The following IQSEC2 variants were observed in gnomAD, a reference collection of about 807,000 sequenced individuals.
The protein encoded by IQSEC2 is IQ motif and SEC7 domain-containing protein 2.
In IQSEC2, 6 loss-of-function variants were observed where a neutral mutation model predicts 74.6. The observed-to-expected ratio is 0.08, with a 90% CI of 0.04 to 0.16. IQSEC2 has a LOEUF of 0.16. Ranked by LOEUF, IQSEC2 falls within the 10% of genes least tolerant of loss-of-function variation. The probability of loss-of-function intolerance (pLI) is 1.00; values close to 1 mark genes in which losing one functional copy is unlikely to be tolerated. For missense variants in IQSEC2, 734 were observed against 1,306.2 expected (o/e 0.56, Z 6.75); for synonymous variants, 494 against 544.5 (o/e 0.91, Z 1.29).
At chrX:53,271,331 C>T (rs1313166692) in intron 2 of IQSEC2, among the ~76,000 whole-genome samples, 4 of 112,176 alleles carry the variant, frequency 3.6e-5, no homozygotes, top group African/African-American at 6.5e-5. Flanking sequence ...CTTGGGATCT[C>T]TGAGAACCAG....
In IQSEC2 at chrX:53,316,165, C is replaced by T. The variant is rs146756163; in HGVS notation, c.707+4252G>A. Among the ~76,000 whole-genome samples the T allele has an allele frequency of 2.2e-3, 243 of 112,080 alleles. 1 individual carries two copies. Among genetic ancestry groups the T allele is most frequent in the African/African-American group, 7.4e-3 (230 of 30,884 alleles). ...TAAGAGTGCAGTGTTTGCTCAGCCTCGTGGCCCCTCCTGCGCTGTGCACAC... is the reference window on the plus strand; with the variant it reads ...TAAGAGTGCAGTGTTTGCTCAGCCTTGTGGCCCCTCCTGCGCTGTGCACAC... On this transcript the variant is annotated intron_variant, in intron 1 of 14. Transcript: ENST00000642864.
At chrX:53,248,670 G>A in intron 6 of IQSEC2, 51 bp downstream of exon 6, 8 of 1,181,000 alleles carry the variant, frequency 6.8e-6, no homozygotes, top group Non-Finnish European at 9.2e-6. Context: ...CCCTCTTGCT[G>A]TCCTTTTCCA....
intron 1 of IQSEC2, among the ~76,000 whole-genome samples, chrX:53,295,370 C>T (rs55795205): frequency 2.7e-5 from 3 of 110,590 alleles, no homozygotes; most frequent in Admixed American, 9.6e-5. Context: ...TTTGGGAGGC[C>T]GAGGCGGGCA....
intron 12 of IQSEC2, chrX:53,237,558 C>T (rs1556860007): frequency 8.5e-6 from 1 of 117,983 alleles, no homozygotes; most frequent in African/African-American, 3.2e-5. Context: ...TCACTATTTT[C>T]CATTATATAT....
chrX:53,299,684 A>G (rs193089206), intron 1 of IQSEC2, among the ~76,000 whole-genome samples: 1 of 111,828 alleles, frequency 8.9e-6, no homozygotes, highest in Admixed American at 9.5e-5. Context: ...AGCAACCTCC[A>G]TCTGCAGGGA....
At chrX:53,309,355 T>C (rs1391515123) in intron 1 of IQSEC2, among the ~76,000 whole-genome samples, 2 of 112,138 alleles carry the variant, frequency 1.8e-5, no homozygotes, top group African/African-American at 6.5e-5. Context: ...CATGAGTCCT[T>C]ATGTACTACT....
chrX:53,261,642 A>G (rs782677082), intron 2 of IQSEC2, among the ~76,000 whole-genome samples: 1 of 108,987 alleles, frequency 9.2e-6, no homozygotes, highest in South Asian at 4.1e-4. Context: ...AGACATGCAC[A>G]TATACGGACA....
intron 2 of IQSEC2, among the ~76,000 whole-genome samples, chrX:53,280,197 G>C (rs1424257751): frequency 1.1e-5 from 1 of 89,744 alleles, no homozygotes; most frequent in Non-Finnish European, 2.2e-5. Context: ...GAGGGGAAGG[G>C]GGGATGAAAG....
chrX:53,244,462 G>T (rs1240876263), intron 8 of IQSEC2, among the ~76,000 whole-genome samples: 1 of 104,598 alleles, frequency 9.6e-6, no homozygotes, highest in East Asian at 3.0e-4. Context: ...GGAGGAGGAG[G>T]TTGCAGTGAA....
At chrX:53,249,983 T>C (rs2074360425) in intron 5 of IQSEC2, among the ~76,000 whole-genome samples, 1 of 110,935 alleles carries the variant, frequency 9.0e-6, no homozygotes, top group South Asian at 3.8e-4. Flanking sequence ...TCACCTCCCC[T>C]CTAAAAAGGG....
chrX:53,235,822 C>T lies in IQSEC2; in HGVS notation c.3462G>A (p.Gly1154=). ...CCAGCGATCCCACGCTGTTACGCCG[C>T]CCCCGCTTCCCTGCACCCACAAGCA... ...LRDLSDAGKR[G]RRNSVGSLDS... Residue 1154 remains glycine, a synonymous_variant, in exon 14 of 15, where the codon GGG becomes GGA. Transcript: ENST00000642864. 8.6e-7 allele frequency: 1 copy of T among 1,165,098 alleles called. No individual in the cohort carries two copies. Among genetic ancestry groups the T allele is most frequent in the Non-Finnish European group, 1.1e-6 (1 of 871,560 alleles).
chrX:53,234,614 G>A lies in IQSEC2; in HGVS notation c.4072C>T (p.Arg1358Cys). 1 of 1,133,225 alleles carries A rather than the reference G, an allele frequency of 8.8e-7. No individual in the cohort carries two copies. The highest frequency in any genetic ancestry group is 1.2e-6 in the Non-Finnish European group (1 of 855,851). 93.4% of individuals were successfully genotyped at this position (1,133,225 alleles called of 1,213,427 possible). ...GGHPQFAPHGRHPLHQPTSPL... is the reference protein window; with the variant it reads ...GGHPQFAPHGCHPLHQPTSPL... ...GATGTGGGCTGGTGCAGGGGGTGGCGGCCATGTGGAGCAAACTGAGGGTGT... is the reference window on the plus strand; with the variant it reads ...GATGTGGGCTGGTGCAGGGGGTGGCAGCCATGTGGAGCAAACTGAGGGTGT... Residue 1358 changes from arginine (R) to cysteine (C), a missense_variant, in exon 15 of 15, where the codon CGC (arginine) becomes TGC (cysteine). Coordinates refer to ENST00000642864, the MANE Select transcript of IQSEC2 (RefSeq NM_001111125.3).
chrX:53,255,051 G>A, intron 3 of IQSEC2, 120 bp from the exon 4 acceptor site: 3 of 662,773 alleles, frequency 4.5e-6, no homozygotes, highest in East Asian at 3.5e-5. Flanking sequence ...CACCGAGAGC[G>A]CCAGGCTAGG....
intron 1 of IQSEC2, among the ~76,000 whole-genome samples, chrX:53,313,105 A>G (rs1268781467): frequency 8.9e-6 from 1 of 111,747 alleles, no homozygotes; most frequent in African/African-American, 3.3e-5. Flanking sequence ...CGGTCTTTGC[A>G]TTGTTGTGTG....
At chrX:53,242,984 C>T (rs782629883) in intron 9 of IQSEC2, among the ~76,000 whole-genome samples, 6 of 111,837 alleles carry the variant, frequency 5.4e-5, no homozygotes, top group Non-Finnish European at 9.4e-5. Flanking sequence ...GTGATCCACC[C>T]ACCTCGGCCT....
chrX:53,265,003 C>T (rs893585154), intron 2 of IQSEC2, among the ~76,000 whole-genome samples: 3 of 110,650 alleles, frequency 2.7e-5, no homozygotes, highest in African/African-American at 6.6e-5. Context: ...TGGCCTCAAG[C>T]CATCTGCCTG....
At chrX:53,252,791 C>T (rs1157028118) in intron 4 of IQSEC2, among the ~76,000 whole-genome samples, 1 of 112,104 alleles carries the variant, frequency 8.9e-6, no homozygotes, top group African/African-American at 3.2e-5. Context: ...CAGTTTTAAG[C>T]TACCAAATTT....
rs1409156136 is a variant in IQSEC2, at chrX:53,320,753, T to C, written c.371A>G (p.Gln124Arg). 2 of 1,165,785 alleles carry C rather than the reference T, an allele frequency of 1.7e-6. No homozygotes were observed. The highest frequency in any genetic ancestry group is 1.8e-5 in the African/African-American group (1 of 55,869). ...GTCCCGATACACAGCCTCCCGATTCTGGTAGGCGCCTTCCCGGTTCGGGTA... is the reference window on the plus strand; with the variant it reads ...GTCCCGATACACAGCCTCCCGATTCCGGTAGGCGCCTTCCCGGTTCGGGTA... ...VGYPNREGAYQNREAVYRDKE... is the reference protein window; with the variant it reads ...VGYPNREGAYRNREAVYRDKE... The change falls in exon 1 of 15, where the codon CAG becomes CGG. Residue 124 changes from glutamine to arginine, a missense_variant. Coordinates refer to ENST00000642864, the MANE Select transcript of IQSEC2 (RefSeq NM_001111125.3).
Position 53,320,903 on chromosome X carries a change from C to T in IQSEC2, c.221G>A (p.Arg74Gln). The stretch of plus-strand genomic sequence containing the variant: ...GCTATCCCGCGCGCCGTGGGGGTCC[C>T]GGTGCAGCTCCCCGCGGTGCAGCTG... Reference protein sequence around the residue: ...ESQLHRGELHRDPHGARDSPG... With the variant: ...ESQLHRGELHQDPHGARDSPG... Residue 74 changes from arginine to glutamine, a missense_variant, in exon 1 of 15, where the codon CGG becomes CAG. Arg to Gln is a conservative substitution (Grantham distance 43). Transcript: ENST00000642864. 8 of 1,164,648 alleles carry T rather than the reference C, an allele frequency of 6.9e-6. No individual in the cohort carries two copies. Among genetic ancestry groups the T allele is most frequent in the South Asian group, 1.9e-5 (1 of 52,609 alleles).
Sources: gnomAD v4.1 joint callset for allele counts (sites outside exome capture counted in the v4.1 genomes callset) on GRCh38, gnomAD v4.1.1 for gene constraint, MANE v1.5 for transcripts, NCBI Gene and HGNC (gene_info 2026-07-23, HGNC 2026-07-21) for gene names.